The following TENM2 variants were observed in gnomAD, a reference collection of about 807,000 sequenced individuals.
TENM2 encodes teneurin transmembrane protein 2.
A neutral mutation model predicts 245.2 loss-of-function variants in TENM2; 52 were observed. The observed-to-expected ratio is 0.21, with a 90% CI of 0.17 to 0.27. The LOEUF (loss-of-function observed/expected upper bound fraction) is 0.27, where lower values mean the gene tolerates loss of function less well. Ranked by LOEUF, TENM2 falls within the 10% of genes least tolerant of loss-of-function variation. The probability of loss-of-function intolerance (pLI) is 1.00; values close to 1 mark genes in which losing one functional copy is unlikely to be tolerated. For synonymous variants in TENM2, 1,363 were observed against 1,438.9 expected (o/e 0.95, Z 1.19); for missense variants, 3,046 against 3,666.8 (o/e 0.83, Z 4.37).
At chr5:167,574,090 A>C (rs981185818) in intron 2 of TENM2, 1 of 152,098 alleles carries the variant, frequency 6.6e-6, no homozygotes, top group African/African-American at 2.4e-5. Flanking sequence ...ACCGTTTTGT[A>C]ATTGAGAAAG....
At chr5:167,335,841 G>C (rs1757720690) in intron 1 of TENM2, among the ~76,000 whole-genome samples, 2 of 152,044 alleles carry the variant, frequency 1.3e-5, no homozygotes, top group Non-Finnish European at 2.9e-5. Context: ...TGTTCTCAGG[G>C]ACCTTATGAA....
At chr5:168,001,026 C>T (rs1784384182) in intron 5 of TENM2, among the ~76,000 whole-genome samples, 1 of 152,118 alleles carries the variant, frequency 6.6e-6, no homozygotes, top group Non-Finnish European at 1.5e-5. Flanking sequence ...CTGCCCAGCG[C>T]TTTGTAGGCA....
chr5:167,574,292 C>T (rs2127666471), intron 2 of TENM2, among the ~76,000 whole-genome samples: 1 of 152,250 alleles, frequency 6.6e-6, no homozygotes, highest in South Asian at 2.1e-4. Context: ...TGATTTTGAT[C>T]AGAATAGCAC....
At chr5:167,618,844 A>C (rs1314043278) in intron 2 of TENM2, among the ~76,000 whole-genome samples, 1 of 151,258 alleles carries the variant, frequency 6.6e-6, no homozygotes, top group Non-Finnish European at 1.5e-5. Context: ...TATTTTCTCC[A>C]CTCCCTCTCC....
At chr5:167,412,878 C>CAAAAAAAAA (rs35434897) in intron 2 of TENM2, among the ~76,000 whole-genome samples, 2 of 137,414 alleles carry the variant, frequency 1.5e-5, no homozygotes, top group Non-Finnish European at 1.6e-5. Context: ...TCATCGAAAG[C>CAAAAAAAAA]AAAAAAAAAA....
the TENM2 span, among the ~76,000 whole-genome samples, chr5:167,052,696 G>A: frequency 6.6e-6 from 1 of 151,850 alleles, no homozygotes; most frequent in African/African-American, 2.4e-5. Flanking sequence ...TAGAATTACA[G>A]TGATGTTGAT....
chr5:167,716,801 G>A (rs996935190), intron 2 of TENM2, among the ~76,000 whole-genome samples: 10 of 151,680 alleles, frequency 6.6e-5, no homozygotes, highest in South Asian at 2.1e-4. Context: ...AAAAAAATCA[G>A]TTTCAAGTCT....
chr5:167,685,752 A>T (rs994082654), intron 2 of TENM2, among the ~76,000 whole-genome samples: 1 of 152,198 alleles, frequency 6.6e-6, no homozygotes, highest in African/African-American at 2.4e-5. Context: ...AGGTGGTAAA[A>T]AAAACACACT....
At chr5:167,145,967 CCT>C in the TENM2 span, among the ~76,000 whole-genome samples, 38 of 152,114 alleles carry the variant, frequency 2.5e-4, no homozygotes, top group Non-Finnish European at 4.7e-4. Flanking sequence ...TACCCGGTGA[CCT>C]CTGTCCTGGG....
At chr5:168,240,732 T>A (rs1252991979) in intron 25 of TENM2, among the ~76,000 whole-genome samples, 1 of 150,942 alleles carries the variant, frequency 6.6e-6, no homozygotes, top group Non-Finnish European at 1.5e-5. Flanking sequence ...AAAAAAAATA[T>A]AAGAAAAGGG....
At chr5:167,279,117 C>A in the TENM2 span, among the ~76,000 whole-genome samples, 1 of 152,134 alleles carries the variant, frequency 6.6e-6, no homozygotes, top group Non-Finnish European at 1.5e-5. Context: ...CTAATGACCT[C>A]CATGGTTTCT....
In TENM2 at chr5:168,090,912, C is replaced by G. The variant is rs551504547; in HGVS notation, c.1711+143C>G. ...ATCCTTTGTTTAGGCCTTATAGTGT[C>G]ACCCACCTGAAACTAGCTCTGATTA... On this transcript the variant is annotated intron_variant, in intron 8 of 28. Coordinates refer to ENST00000518659, the Ensembl canonical transcript of TENM2. The G allele has an allele frequency of 4.4e-6, 3 of 685,968 alleles. No individual in the cohort carries two copies. In the African/African-American group the frequency reaches 5.4e-5, roughly 12 times the overall value. 42.5% of individuals were successfully genotyped at this position (685,968 alleles called of 1,614,324 possible).
At chr5:167,468,135 C>T (rs1358395110) in intron 2 of TENM2, among the ~76,000 whole-genome samples, 1 of 152,060 alleles carries the variant, frequency 6.6e-6, no homozygotes, top group East Asian at 1.9e-4. Flanking sequence ...CGGGGTTTCA[C>T]CATGCTGTCC....
At chr5:167,987,333 T>C (rs1300470978) in intron 4 of TENM2, among the ~76,000 whole-genome samples, 4 of 141,604 alleles carry the variant, frequency 2.8e-5, no homozygotes, top group African/African-American at 1.0e-4. Context: ...CTTCGCTTCC[T>C]TTTTTTTTTT....
chr5:167,118,227 C>T, the TENM2 span, among the ~76,000 whole-genome samples: 1 of 152,116 alleles, frequency 6.6e-6, no homozygotes, highest in Non-Finnish European at 1.5e-5. Flanking sequence ...AATGAAGTTT[C>T]TCTTGGAGTT....
At chr5:167,375,497 T>C in intron 2 of TENM2, 24 bp downstream of exon 4, 1 of 1,550,206 alleles carries the variant, frequency 6.5e-7, no homozygotes, top group Non-Finnish European at 8.7e-7. Flanking sequence ...TTAAATACCT[T>C]TTAACGTTCT....
intron 2 of TENM2, among the ~76,000 whole-genome samples, chr5:167,430,579 C>T (rs2127441255): frequency 6.6e-6 from 1 of 152,130 alleles, no homozygotes; most frequent in East Asian, 1.9e-4. Flanking sequence ...GCTGGAAGTG[C>T]CATCACAACT....
At chr5:167,321,542 T>G (rs1406748190) in intron 1 of TENM2, among the ~76,000 whole-genome samples, 1 of 152,090 alleles carries the variant, frequency 6.6e-6, no homozygotes, top group Non-Finnish European at 1.5e-5. Context: ...GTTCCTTAAC[T>G]TTGGTCTCTC....
In TENM2 at chr5:168,244,156, T is replaced by C. The variant is rs1766344382; in HGVS notation, c.5521-264T>C. ...TTCACCATGTTGGCCAGGCTGGTCT[T>C]GAACTCCCGACCTCAGGTGATCCAC... On this transcript the variant is annotated intron_variant, in intron 25 of 28. Coordinates refer to ENST00000518659, the Ensembl canonical transcript of TENM2. This position sits in a 1 kb window ranked among gnomAD's most constrained non-coding sequence, Gnocchi z 4.9. 6.6e-6 allele frequency among the ~76,000 whole-genome samples: 1 copy of C among 152,020 alleles called. No homozygotes were observed. The highest frequency in any genetic ancestry group is 1.5e-5 in the Non-Finnish European group (1 of 67,992).
Sources: allele counts gnomAD v4.1 joint callset (sites outside exome capture counted in the v4.1 genomes callset), GRCh38; gene constraint gnomAD v4.1.1; non-coding constraint Gnocchi (gnomAD v3.1); transcripts MANE v1.5; gene names NCBI Gene and HGNC (gene_info 2026-07-23, HGNC 2026-07-21).